Variants in CNTN1 observed in about 807,000 individuals in gnomAD.
CNTN1 encodes contactin 1.
Under a neutral mutation model 126.4 loss-of-function variants are expected in CNTN1, and 38 were observed. The ratio of observed to expected loss-of-function variants is 0.30; its 90% CI spans 0.23 to 0.39. The LOEUF (loss-of-function observed/expected upper bound fraction) is 0.39. CNTN1 is among the 10% of genes least tolerant of loss of function. CNTN1 has a pLI of 1.00. For missense variants in CNTN1, 1,009 were observed against 1,248.4 expected, an observed-to-expected ratio of 0.81 and a Z score of 2.89; for synonymous variants, 413 against 422.6, an observed-to-expected ratio of 0.98 and a Z score of 0.28.
chr12:41,000,811 A>G (rs539999554), intron 17 of CNTN1, among the ~76,000 whole-genome samples: 2 of 152,150 alleles, frequency 1.3e-5, no homozygotes, highest in Admixed American at 1.3e-4. Context: ...ATGCCCCAGT[A>G]TGTGTTGTTC....
At chr12:40,959,756 A>G (rs1463839729) in intron 15 of CNTN1, among the ~76,000 whole-genome samples, 2 of 152,152 alleles carry the variant, frequency 1.3e-5, no homozygotes, top group African/African-American at 4.8e-5. Flanking sequence ...TGGAATATAC[A>G]TTTATTAAAA....
chr12:40,810,978 G>A (rs1247963602), intron 1 of CNTN1, among the ~76,000 whole-genome samples: 1 of 152,146 alleles, frequency 6.6e-6, no homozygotes, highest in Non-Finnish European at 1.5e-5. Flanking sequence ...ACTCCAGCCT[G>A]GGTGACAGAA....
chr12:41,047,877 A>G (rs1252016409), intron 23 of CNTN1, among the ~76,000 whole-genome samples: 1 of 151,844 alleles, frequency 6.6e-6, no homozygotes, highest in African/African-American at 2.4e-5. Context: ...CCCACTTCCT[A>G]TCTTTACTCT....
At chr12:41,001,551 CTGTT>C (rs778340509) in intron 17 of CNTN1, among the ~76,000 whole-genome samples, 1 of 152,118 alleles carries the variant, frequency 6.6e-6, no homozygotes, top group South Asian at 2.1e-4. Context: ...TCTAGGTTGT[CTGTT>C]CACTCTGTTG....
At chr12:40,731,648 C>T (rs1323984246) in intron 1 of CNTN1, among the ~76,000 whole-genome samples, 1 of 151,898 alleles carries the variant, frequency 6.6e-6, no homozygotes, top group Non-Finnish European at 1.5e-5. Context: ...ATTAGCACTA[C>T]TTGTTATAGA....
In CNTN1 at chr12:40,924,575, C is replaced by A; in HGVS notation, c.419C>A (p.Pro140His). Reference protein sequence around the residue: ...LSFGYLDPFPPEERPEVRVKE... With the variant: ...LSFGYLDPFPHEERPEVRVKE... ...TAATTAGATCTTGATCCTTTCCCAC[C>A]TGAGGAACGTCCTGAGGTCAGAGTA... is the stretch of plus-strand genomic sequence containing the variant. Residue 140 changes from proline (P) to histidine (H), a missense_variant, in exon 6 of 24, where the codon CCT becomes CAT. Physicochemically the swap from Pro to His is moderately conservative, Grantham distance 77 (BLOSUM62 -2). Coordinates refer to ENST00000551295, the MANE Select transcript of CNTN1 (RefSeq NM_001843.4). 6.3e-7 allele frequency: 1 copy of A among 1,594,616 alleles called. No individual in the cohort carries two copies. Among genetic ancestry groups the A allele is most frequent in the Non-Finnish European group, 8.6e-7 (1 of 1,163,110 alleles).
At chr12:41,028,516 G>A (rs573180700) in intron 22 of CNTN1, among the ~76,000 whole-genome samples, 1 of 152,274 alleles carries the variant, frequency 6.6e-6, no homozygotes, top group East Asian at 1.9e-4. Context: ...GGAGGAGAGA[G>A]AACGAAACTA....
At chr12:41,019,691 A>T (rs1948862367) in intron 19 of CNTN1, among the ~76,000 whole-genome samples, 1 of 152,164 alleles carries the variant, frequency 6.6e-6, no homozygotes. Flanking sequence ...CAGTTGGAAG[A>T]TTAGACATAT....
chr12:40,927,202 T>C (rs1239516733), intron 6 of CNTN1, among the ~76,000 whole-genome samples: 3 of 152,048 alleles, frequency 2.0e-5, no homozygotes, highest in East Asian at 3.8e-4. Flanking sequence ...AAAAAATAAT[T>C]TTATGGTTAT....
intron 1 of CNTN1, among the ~76,000 whole-genome samples, chr12:40,784,565 C>G (rs1376133936): frequency 6.6e-6 from 1 of 151,918 alleles, no homozygotes; most frequent in African/African-American, 2.4e-5. Flanking sequence ...AGAAAGTATT[C>G]CAAGAGGATA....
At chr12:40,917,628 T>C (rs1205041746) in intron 3 of CNTN1, among the ~76,000 whole-genome samples, 3 of 152,162 alleles carry the variant, frequency 2.0e-5, no homozygotes, top group Admixed American at 1.3e-4. Context: ...ATCGCTTAGA[T>C]TGGGCAGAGA....
intron 1 of CNTN1, among the ~76,000 whole-genome samples, chr12:40,750,893 T>C (rs1339796629): frequency 6.6e-6 from 1 of 152,044 alleles, no homozygotes; most frequent in African/African-American, 2.4e-5. Flanking sequence ...ATGGCACAGA[T>C]ATGGTAATTT....
intron 1 of CNTN1, among the ~76,000 whole-genome samples, chr12:40,830,962 T>TATACACAC (rs1405165659): frequency 2.3e-5 from 3 of 128,796 alleles, no homozygotes; most frequent in Non-Finnish European, 4.9e-5. Flanking sequence ...TATATATATA[T>TATACACAC]ACACACACAC....
At chr12:40,905,745 A>G (rs1944784742) in intron 1 of CNTN1, among the ~76,000 whole-genome samples, 1 of 152,196 alleles carries the variant, frequency 6.6e-6, no homozygotes, top group South Asian at 2.1e-4. Context: ...TCTCTTCATT[A>G]AAATATAACT....
intron 1 of CNTN1, among the ~76,000 whole-genome samples, chr12:40,748,001 A>C (rs1451034090): frequency 6.6e-6 from 1 of 152,168 alleles, no homozygotes; most frequent in Middle Eastern, 3.2e-3. Context: ...AGGGCATAAA[A>C]TACGAAGTTC....
chr12:40,719,428 T>G (rs1942135755), intron 1 of CNTN1, among the ~76,000 whole-genome samples: 1 of 152,210 alleles, frequency 6.6e-6, no homozygotes, highest in Non-Finnish European at 1.5e-5. Flanking sequence ...CTAAGCTTTT[T>G]ATAAGCAAAT....
rs563912326 is a variant in CNTN1, at chr12:40,707,547, T to A, written c.-77+14955T>A. On this transcript the variant is annotated intron_variant, in intron 1 of 23. Coordinates refer to ENST00000551295, the MANE Select transcript of CNTN1 (RefSeq NM_001843.4). ...GATTACAGGCTTCCTCTTTCATTTC[T>A]ATTATCTTTCTTCTTTTCTAACAAA... Among the ~76,000 whole-genome samples the A allele has an allele frequency of 6.6e-5, 10 of 152,294 alleles. No individual in the cohort carries two copies. The South Asian group carries it at 1.9e-3, about 28-fold the overall frequency.
chr12:40,815,624 A>G (rs944949056), intron 1 of CNTN1, among the ~76,000 whole-genome samples: 1 of 152,240 alleles, frequency 6.6e-6, no homozygotes, highest in Admixed American at 6.5e-5. Flanking sequence ...CTCTATTCCT[A>G]TTTGGACACC....
chr12:40,749,966 A>G (rs919492370), intron 1 of CNTN1, among the ~76,000 whole-genome samples: 1 of 152,068 alleles, frequency 6.6e-6, no homozygotes, highest in Non-Finnish European at 1.5e-5. Context: ...AAATTCTCCT[A>G]CTAGTCCCTA....
Sources: allele counts gnomAD v4.1 joint callset (sites outside exome capture counted in the v4.1 genomes callset), GRCh38; gene constraint gnomAD v4.1.1; transcripts MANE v1.5; gene names NCBI Gene and HGNC (gene_info 2026-07-23, HGNC 2026-07-21).